XPOT: variants seen among roughly 807,000 people sequenced by gnomAD.
XPOT encodes exportin-T.
XPOT carries 34 observed loss-of-function variants against 128.2 expected under a neutral mutation model. The observed-to-expected ratio is 0.27, with a 90% CI of 0.20 to 0.35. XPOT has a LOEUF of 0.35. Among genes scored for constraint, XPOT ranks in the 10% least tolerant of loss-of-function variants. XPOT has a pLI of 1.00. For missense variants in XPOT, 838 were observed against 1,125.3 expected, an observed-to-expected ratio of 0.74 and a Z score of 3.65; for synonymous variants, 348 against 394.3, an observed-to-expected ratio of 0.88 and a Z score of 1.39.
intron 21 of XPOT, 21 bp from the exon 22 acceptor site, chr12:64,435,606 T>G (rs749759524): frequency 2.6e-5 from 42 of 1,588,490 alleles, no homozygotes; most frequent in Non-Finnish European, 3.6e-5. Context: ...ATATAGAAAT[T>G]CTTAAACTTG....
At chr12:64,416,548 A>G in intron 3 of XPOT, 150 bp from the exon 4 acceptor site, 1 of 570,236 alleles carries the variant, frequency 1.8e-6, no homozygotes, top group Non-Finnish European at 3.1e-6. Context: ...AATGGATTTT[A>G]ATGTCATAAA....
At chr12:64,431,946 T>C (rs2040242594) in intron 18 of XPOT, 123 bp downstream of exon 18, 3 of 931,214 alleles carry the variant, frequency 3.2e-6, no homozygotes, top group Non-Finnish European at 3.2e-6. Context: ...CTTAAGAGCC[T>C]CATGGATCAT....
intron 1 of XPOT, 126 bp downstream of exon 1, chr12:64,404,930 C>A: frequency 6.6e-6 from 1 of 152,200 alleles, no homozygotes; most frequent in Non-Finnish European, 1.5e-5. Flanking sequence ...GGCTTGGGAC[C>A]CTCTATGGCG....
intron 23 of XPOT, among the ~76,000 whole-genome samples, chr12:64,439,726 C>A (rs1175606759): frequency 1.3e-5 from 2 of 152,154 alleles, no homozygotes; most frequent in African/African-American, 4.8e-5. Flanking sequence ...GTACACCAAG[C>A]TTATCAATGC....
rs370359795 is a variant in XPOT at position 64,450,994 on chromosome 12, T to C, written c.*2863T>C. 4 of 152,380 alleles carry C rather than the reference T, an allele frequency of 2.6e-5. No homozygotes were observed. The East Asian group carries it at 7.7e-4, about 29-fold the overall frequency. The allele number at this position is 152,380 out of a possible 1,614,324, so 9.4% of individuals were successfully genotyped here. A position where few individuals can be genotyped will look rare whatever the true frequency, so the allele number is the denominator to read the frequency against. On this transcript the variant is annotated 3_prime_UTR_variant, in exon 25 of 25. Transcript: ENST00000332707. ...TGGTGGAAGGAACTTTAACAGGTCT[T>C]CGCTCTTGTCATTAGATATCAAAGA... is the stretch of plus-strand genomic sequence containing the variant.
At chr12:64,425,563 CAG>C in intron 14 of XPOT, 106 bp downstream of exon 14, 1 of 1,417,494 alleles carries the variant, frequency 7.1e-7, no homozygotes, top group Non-Finnish European at 9.6e-7. Context: ...CAAAACCTCT[CAG>C]AAGTGCTTGG....
chr12:64,449,675 CTAA>C lies in XPOT; in HGVS notation c.*1545_*1547del, dbSNP rs2040394769. ...TACACCATATAATAAAAATACTTAA[CTAA>C]ATTGACAGTTATAAAAATAAATCAG... On this transcript the variant is annotated 3_prime_UTR_variant, in exon 25 of 25. Transcript: ENST00000332707. 1 of 152,128 alleles carries C rather than the reference CTAA, an allele frequency of 6.6e-6. No individual in the cohort carries two copies. Among genetic ancestry groups the C allele is most frequent in the Non-Finnish European group, 1.5e-5 (1 of 68,026 alleles). The allele number at this position is 152,128 out of a possible 1,614,324, so 9.4% of individuals were successfully genotyped here.
At chr12:64,421,948 G>T (rs1422864879) in intron 9 of XPOT, among the ~76,000 whole-genome samples, 1 of 152,112 alleles carries the variant, frequency 6.6e-6, no homozygotes, top group Non-Finnish European at 1.5e-5. Flanking sequence ...AAGTACCTGG[G>T]ATTACAGGCA....
At chr12:64,408,534 C>A (rs2040003866) in intron 1 of XPOT, among the ~76,000 whole-genome samples, 1 of 152,116 alleles carries the variant, frequency 6.6e-6, no homozygotes, top group African/African-American at 2.4e-5. Context: ...TGCATTCTAT[C>A]AAAAACTAGG....
In XPOT at chr12:64,448,655, A is replaced by T. The variant is rs1253540487; in HGVS notation, c.*524A>T. 1 of 151,712 alleles carries T rather than the reference A, an allele frequency of 6.6e-6. No individual in the cohort carries two copies. Among genetic ancestry groups the T allele is most frequent in the Non-Finnish European group, 1.5e-5 (1 of 67,932 alleles). The allele number at this position is 151,712 out of a possible 1,614,324, so 9.4% of individuals were successfully genotyped here. The stretch of plus-strand genomic sequence containing the variant: ...CAGTGTTATACTTTTTTTTATATAT[A>T]TATATAAAAATAAACTTTACGTAGT... On this transcript the variant is annotated 3_prime_UTR_variant, in exon 25 of 25. Transcript: ENST00000332707.
At chr12:64,422,945 G>T in intron 9 of XPOT, 60 bp from the exon 10 acceptor site, 82 of 1,296,572 alleles carry the variant, frequency 6.3e-5, no homozygotes, top group Non-Finnish European at 8.4e-5. Flanking sequence ...TTCGAAAAAT[G>T]TTCTGATATG....
chr12:64,438,309 C>A (rs1404176518), intron 22 of XPOT, among the ~76,000 whole-genome samples: 1 of 152,104 alleles, frequency 6.6e-6, no homozygotes, highest in Non-Finnish European at 1.5e-5. Flanking sequence ...AGTTTACTTT[C>A]CCTGATTCAA....
chr12:64,445,661 G>A (rs948735351), intron 24 of XPOT, among the ~76,000 whole-genome samples: 1 of 152,032 alleles, frequency 6.6e-6, no homozygotes, highest in African/African-American at 2.4e-5. Context: ...GTCTTACCTA[G>A]GTAGTCATTC....
At chr12:64,428,530 G>C (rs951828065) in intron 16 of XPOT, among the ~76,000 whole-genome samples, 1 of 151,746 alleles carries the variant, frequency 6.6e-6, no homozygotes, top group Non-Finnish European at 1.5e-5. Context: ...CTGTTAGATC[G>C]AAGGTTTTCC....
chr12:64,422,875 C>A, intron 9 of XPOT, 130 bp from the exon 10 acceptor site: 1 of 844,278 alleles, frequency 1.2e-6, no homozygotes, highest in Non-Finnish European at 1.8e-6. Context: ...TGCACTCCAG[C>A]CTGGGCAACA....
At chr12:64,447,893 T>C (rs1309839424) in intron 24 of XPOT, among the ~76,000 whole-genome samples, 3 of 152,196 alleles carry the variant, frequency 2.0e-5, no homozygotes, top group Non-Finnish European at 2.9e-5. Context: ...ACTTCCCCAG[T>C]TGGGTGATGT....
At chr12:64,416,069 A>G (rs1294510029) in intron 3 of XPOT, among the ~76,000 whole-genome samples, 1 of 152,230 alleles carries the variant, frequency 6.6e-6, no homozygotes, top group Non-Finnish European at 1.5e-5. Context: ...GTCAGTGTTT[A>G]TAGCTGGCTA....
At chr12:64,405,391 AC>A (rs963865513) in intron 1 of XPOT, 4 of 152,104 alleles carry the variant, frequency 2.6e-5, no homozygotes, top group African/African-American at 9.7e-5. Context: ...GGGGAGAGTT[AC>A]GTTTTATTAA....
At chr12:64,429,245 C>T (rs1409327111) in intron 16 of XPOT, among the ~76,000 whole-genome samples, 1 of 152,154 alleles carries the variant, frequency 6.6e-6, no homozygotes, top group Non-Finnish European at 1.5e-5. Flanking sequence ...CAGAGAGAGA[C>T]CAATTTGCCT....
Sources: allele counts gnomAD v4.1 joint callset (sites outside exome capture counted in the v4.1 genomes callset), GRCh38; gene constraint gnomAD v4.1.1; transcripts MANE v1.5; gene names NCBI Gene and HGNC (gene_info 2026-07-23, HGNC 2026-07-21).